Variants in JMJD1C observed in about 807,000 individuals in gnomAD.
JMJD1C encodes jumonji domain-containing protein 1C.
In JMJD1C, 31 loss-of-function variants were observed where a neutral mutation model predicts 245.3. The ratio of observed to expected loss-of-function variants is 0.13; its 90% confidence interval spans 0.09 to 0.17. The LOEUF is 0.17. JMJD1C is among the 10% of genes least tolerant of loss of function. JMJD1C has a pLI of 1.00. For synonymous variants in JMJD1C, 1,057 were observed against 1,017.4 expected, an observed-to-expected ratio of 1.04 and a Z score of -0.74; for missense variants, 2,691 against 3,000.2, an observed-to-expected ratio of 0.90 and a Z score of 2.41.
chr10:63,185,510 A>T (rs1844028062), intron 20 of JMJD1C, 53 bp downstream of exon 20: 5 of 962,248 alleles, frequency 5.2e-6, no homozygotes, highest in Non-Finnish European at 6.8e-6. Flanking sequence ...ATCTCTGGGG[A>T]CAGTCTTAGC....
Position 63,217,334 on chromosome 10 carries a change from TA to T in JMJD1C, c.554-4del, listed in dbSNP as rs758235168. 43 of 1,553,092 alleles carry T rather than the reference TA, an allele frequency of 2.8e-5. No individual in the cohort carries two copies. The highest frequency in any genetic ancestry group is 1.7e-4 in the Middle Eastern group (1 of 5,796). On this transcript the variant is annotated splice_region_variant and splice_polypyrimidine_tract_variant and intron_variant, in intron 4 of 25. Coordinates refer to ENST00000399262, the MANE Select transcript of JMJD1C (RefSeq NM_032776.3). ...GTATCCATTTAAGGAATAAGGACCT[TA>T]AAAAAAACACAAGAAACAGAAACAT... is the stretch of plus-strand genomic sequence containing the variant.
intron 24 of JMJD1C, among the ~76,000 whole-genome samples, chr10:63,169,637 CAG>C (rs778229426): frequency 6.6e-6 from 1 of 152,216 alleles, no homozygotes; most frequent in East Asian, 1.9e-4. Flanking sequence ...CTGAAGTCTG[CAG>C]AGTTCTTTAA....
In JMJD1C at chr10:63,387,797, G is replaced by A. The variant is rs540990962; in HGVS notation, c.169-7315C>T. On this transcript the variant is annotated intron_variant, in intron 1 of 25. Coordinates refer to ENST00000399262, the MANE Select transcript of JMJD1C (RefSeq NM_032776.3). ...ACTACAGGTGCCCACCACCATGCCC[G>A]GCTAATTTTTTGTATTTTTAGTAGA... Among the ~76,000 whole-genome samples the A allele has an allele frequency of 3.2e-4, 48 of 151,380 alleles. No individual in the cohort carries two copies. In the East Asian group the frequency reaches 4.7e-3, roughly 15 times the overall value.
At chr10:63,199,090 T>A (rs995488640) in intron 11 of JMJD1C, among the ~76,000 whole-genome samples, 35 of 152,274 alleles carry the variant, frequency 2.3e-4, no homozygotes, top group African/African-American at 8.2e-4. Flanking sequence ...TAAATCGGAA[T>A]CACCAAAGCT....
At chr10:63,444,907 G>A (rs1364556504) in intron 1 of JMJD1C, among the ~76,000 whole-genome samples, 1 of 152,128 alleles carries the variant, frequency 6.6e-6, no homozygotes, top group African/African-American at 2.4e-5. Context: ...TGCAGAAAAA[G>A]AAGTACAATG....
chr10:63,286,292 A>C (rs907178353), intron 2 of JMJD1C, among the ~76,000 whole-genome samples: 3 of 152,236 alleles, frequency 2.0e-5, no homozygotes, highest in African/African-American at 7.2e-5. Flanking sequence ...CACATATCTA[A>C]GCCTTACTCT....
At chr10:63,393,842 G>C (rs1948266545) in intron 1 of JMJD1C, among the ~76,000 whole-genome samples, 2 of 152,204 alleles carry the variant, frequency 1.3e-5, no homozygotes, top group African/African-American at 4.8e-5. Flanking sequence ...AAAGAACAAA[G>C]AGTTGCACAG....
intron 2 of JMJD1C, among the ~76,000 whole-genome samples, chr10:63,331,908 C>T (rs938442497): frequency 3.3e-5 from 5 of 152,224 alleles, no homozygotes; most frequent in African/African-American, 1.2e-4. Flanking sequence ...ACATGAGCCA[C>T]AGCACCCGAC....
At chr10:63,277,731 C>CTTTTTTTTTTTTTTTTTTTTTTTTTT (rs35442695) in intron 2 of JMJD1C, among the ~76,000 whole-genome samples, 9 of 64,276 alleles carry the variant, frequency 1.4e-4, no homozygotes, top group African/African-American at 4.9e-4. Flanking sequence ...ATTTGCATTT[C>CTTTTTTTTTTTTTTTTTTTTTTTTTT]TTTTTTTTTT....
intron 1 of JMJD1C, among the ~76,000 whole-genome samples, chr10:63,454,202 CAT>C (rs1952254561): frequency 6.6e-6 from 1 of 151,984 alleles, no homozygotes; most frequent in Non-Finnish European, 1.5e-5. Context: ...GGATATTAAC[CAT>C]ATGTGTCAAC....
intron 24 of JMJD1C, among the ~76,000 whole-genome samples, chr10:63,171,148 C>A (rs149359161): frequency 6.6e-6 from 1 of 151,740 alleles, no homozygotes; most frequent in African/African-American, 2.4e-5. Flanking sequence ...TAGTATTTTT[C>A]GACAAATTTT....
chr10:63,460,995 G>A (rs1952756522), intron 1 of JMJD1C, among the ~76,000 whole-genome samples: 2 of 152,102 alleles, frequency 1.3e-5, no homozygotes, highest in Non-Finnish European at 2.9e-5. Context: ...TATAGATGAT[G>A]GGTCAAAAGA....
intron 2 of JMJD1C, among the ~76,000 whole-genome samples, chr10:63,274,671 C>T (rs1449120897): frequency 6.6e-6 from 1 of 152,142 alleles, no homozygotes; most frequent in Non-Finnish European, 1.5e-5. Flanking sequence ...TCTATGATTT[C>T]TACAAGGATT....
chr10:63,331,897 T>C (rs1472543915), intron 2 of JMJD1C, among the ~76,000 whole-genome samples: 1 of 152,096 alleles, frequency 6.6e-6, no homozygotes, highest in Non-Finnish European at 1.5e-5. Flanking sequence ...TGGGATTACA[T>C]ACATGAGCCA....
chr10:63,409,398 G>A (rs992776322), intron 1 of JMJD1C, among the ~76,000 whole-genome samples: 6 of 152,120 alleles, frequency 3.9e-5, no homozygotes, highest in Non-Finnish European at 7.4e-5. Context: ...ATTTTCAGGA[G>A]GTTTCCTATT....
intron 1 of JMJD1C, among the ~76,000 whole-genome samples, chr10:63,507,088 G>T (rs151300105): frequency 1.3e-5 from 2 of 152,022 alleles, no homozygotes; most frequent in Non-Finnish European, 2.9e-5. Context: ...TCTCTTCAAG[G>T]CCTGATAGCT....
chr10:63,245,135 A>C (rs1314039254), intron 3 of JMJD1C, among the ~76,000 whole-genome samples: 1 of 3,248 alleles, frequency 3.1e-4, no homozygotes, highest in African/African-American at 7.5e-4. Flanking sequence ...CTCTGTCTCA[A>C]AAAAAAAAAA....
intron 1 of JMJD1C, among the ~76,000 whole-genome samples, chr10:63,484,270 A>G (rs1244341159): frequency 1.3e-5 from 2 of 149,966 alleles, no homozygotes; most frequent in African/African-American, 4.9e-5. Flanking sequence ...AGATAGATAG[A>G]TAAGATAGAT....
At chr10:63,177,297 G>GA in intron 23 of JMJD1C, 1 of 220,920 alleles carries the variant, frequency 4.5e-6, no homozygotes, top group East Asian at 1.5e-4. Flanking sequence ...AGATGTGATA[G>GA]AGTAGAATCA....
Sources: gnomAD v4.1 joint callset for allele counts (sites outside exome capture counted in the v4.1 genomes callset) on GRCh38, gnomAD v4.1.1 for gene constraint, MANE v1.5 for transcripts, NCBI Gene and HGNC (gene_info 2026-07-23, HGNC 2026-07-21) for gene names.